Variants in CPQ observed in about 807,000 individuals in gnomAD.
The protein encoded by CPQ is carboxypeptidase Q, also known as Ser-Met dipeptidase.
CPQ carries 37 observed loss-of-function variants against 45.7 expected under a neutral mutation model. The observed-to-expected ratio is 0.81, with a 90% CI of 0.62 to 1.07. CPQ has a LOEUF of 1.07. Among genes scored for constraint, CPQ ranks in the 50% least tolerant of loss-of-function variants. CPQ has a pLI of 0.00. For synonymous variants in CPQ, 186 were observed against 205.8 expected (o/e 0.90, Z 0.82); for missense variants, 537 against 572.9 (o/e 0.94, Z 0.64).
intron 6 of CPQ, among the ~76,000 whole-genome samples, chr8:97,048,273 G>A (rs1810296320): frequency 6.6e-6 from 1 of 152,194 alleles, no homozygotes; most frequent in South Asian, 2.1e-4. Flanking sequence ...AAGATTGGGG[G>A]AGCAATTATA....
intron 1 of CPQ, among the ~76,000 whole-genome samples, chr8:96,675,054 T>C (rs1809058355): frequency 6.6e-6 from 1 of 152,066 alleles, no homozygotes; most frequent in Admixed American, 6.6e-5. Flanking sequence ...TTGTTGAGAA[T>C]TGAGAAGATG....
At chr8:96,997,511 T>C (rs1198187020) in intron 5 of CPQ, among the ~76,000 whole-genome samples, 3 of 152,014 alleles carry the variant, frequency 2.0e-5, no homozygotes, top group Non-Finnish European at 4.4e-5. Flanking sequence ...CCTTTTATAA[T>C]TATGATATTT....
At position 97,069,637 on chromosome 8, in the gene CPQ, G is replaced by A. The variant is rs77527622; in HGVS notation, c.1255+3427G>A. Among the ~76,000 whole-genome samples the A allele has an allele frequency of 5.7e-3, 866 of 152,188 alleles. 6 individuals carry two copies. Among genetic ancestry groups the A allele is most frequent in the Non-Finnish European group, 0.01 (713 of 68,000 alleles). Reference sequence around the variant, plus strand: ...AATTATAGCTTAAAGCTAAGGGTAGGATTCTAAATACTAATTAAGTTATCA... The same window carrying A: ...AATTATAGCTTAAAGCTAAGGGTAGAATTCTAAATACTAATTAAGTTATCA... On this transcript the variant is annotated intron_variant, in intron 7 of 7. Transcript: ENST00000220763.
intron 3 of CPQ, among the ~76,000 whole-genome samples, chr8:96,837,543 T>C (rs1811546245): frequency 6.6e-6 from 1 of 152,146 alleles, no homozygotes; most frequent in African/African-American, 2.4e-5. Flanking sequence ...TCTCTATTCC[T>C]TCCCTATATC....
intron 5 of CPQ, among the ~76,000 whole-genome samples, chr8:97,012,783 G>A (rs1487011822): frequency 6.6e-6 from 1 of 152,104 alleles, no homozygotes; most frequent in African/African-American, 2.4e-5. Flanking sequence ...TATAAGGTCA[G>A]CTAATCCATT....
chr8:96,956,459 G>A (rs1813359083), intron 4 of CPQ, among the ~76,000 whole-genome samples: 1 of 152,066 alleles, frequency 6.6e-6, no homozygotes, highest in East Asian at 1.9e-4. Context: ...TGATTCTTAG[G>A]AAACTAAGAT....
intron 1 of CPQ, among the ~76,000 whole-genome samples, chr8:96,745,457 G>A (rs1810167158): frequency 6.6e-6 from 1 of 152,172 alleles, no homozygotes; most frequent in African/African-American, 2.4e-5. Flanking sequence ...CAGAACTAGA[G>A]CAAATGAGTG....
At chr8:96,673,511 T>G (rs190947988) in intron 1 of CPQ, among the ~76,000 whole-genome samples, 2 of 152,254 alleles carry the variant, frequency 1.3e-5, no homozygotes, top group Non-Finnish European at 2.9e-5. Context: ...CCATTTTTCA[T>G]CTGATACCGG....
At chr8:97,128,219 T>C (rs955845130) in intron 7 of CPQ, among the ~76,000 whole-genome samples, 2 of 152,294 alleles carry the variant, frequency 1.3e-5, no homozygotes, top group Middle Eastern at 3.4e-3. Flanking sequence ...ATTAGGAAAT[T>C]AGCATGGGTT....
At chr8:97,141,808 A>G (rs1201827252) in intron 7 of CPQ, among the ~76,000 whole-genome samples, 1 of 152,220 alleles carries the variant, frequency 6.6e-6, no homozygotes, top group Admixed American at 6.5e-5. Context: ...GCTATACACA[A>G]CAGCATAGAT....
intron 2 of CPQ, among the ~76,000 whole-genome samples, chr8:96,795,868 A>G (rs577287587): frequency 6.6e-6 from 1 of 152,248 alleles, no homozygotes; most frequent in South Asian, 2.1e-4. Context: ...AGTAGAAACA[A>G]TTAGTTTTGA....
At position 96,939,351 on chromosome 8, in the gene CPQ, G is replaced by C. The variant is rs1164492196; in HGVS notation, c.850-26584G>C. On this transcript the variant is annotated intron_variant, in intron 4 of 7. Transcript: ENST00000220763. ...CAGGCAGTAATGCTCACTTCCTGTT[G>C]TGCGGCCATATTCCTAACAGGCCAC... Among the ~76,000 whole-genome samples, 3 of 152,172 alleles carry C rather than the reference G, an allele frequency of 2.0e-5. No homozygotes were observed. In the East Asian group the frequency reaches 5.8e-4, roughly 29 times the overall value.
chr8:96,921,807 C>T (rs185597065), intron 4 of CPQ, among the ~76,000 whole-genome samples: 9 of 152,150 alleles, frequency 5.9e-5, no homozygotes, highest in African/African-American at 1.9e-4. Context: ...AGTAAGCAAC[C>T]TGATATTACT....
chr8:96,903,905 C>T (rs145131551), intron 4 of CPQ, among the ~76,000 whole-genome samples: 49 of 152,308 alleles, frequency 3.2e-4, no homozygotes, highest in African/African-American at 1.1e-3. Context: ...CTGGTGGAGC[C>T]AGCTGCTGGT....
intron 1 of CPQ, among the ~76,000 whole-genome samples, chr8:96,677,159 C>A (rs1809086587): frequency 6.6e-6 from 1 of 151,918 alleles, no homozygotes; most frequent in Non-Finnish European, 1.5e-5. Context: ...CTTTTTCCTA[C>A]GTGACTTCTT....
At chr8:97,037,480 A>T (rs1419142862) in intron 6 of CPQ, among the ~76,000 whole-genome samples, 1 of 152,076 alleles carries the variant, frequency 6.6e-6, no homozygotes, top group African/African-American at 2.4e-5. Context: ...ATCAGAGGTG[A>T]TTGTCTCAAT....
At chr8:96,695,399 A>T (rs1386581431) in intron 1 of CPQ, among the ~76,000 whole-genome samples, 2 of 147,392 alleles carry the variant, frequency 1.4e-5, no homozygotes, top group Admixed American at 1.4e-4. Flanking sequence ...TCATGTCTAA[A>T]ACACCAAAAG....
intron 6 of CPQ, among the ~76,000 whole-genome samples, chr8:97,045,127 T>C (rs2130497063): frequency 6.6e-6 from 1 of 152,360 alleles, no homozygotes; most frequent in Non-Finnish European, 1.5e-5. Context: ...CCTTGAGCTG[T>C]GGTGGGCTCC....
In CPQ at chr8:97,029,451, A is replaced by T; in HGVS notation, c.1010A>T (p.Glu337Val). Reference sequence around the variant, plus strand: ...CGGCTGGTGCTCTGGACTGCAGAAGAACAAGGTGGAGTTGGTGCCTTCCAG... The same window carrying T: ...CGGCTGGTGCTCTGGACTGCAGAAGTACAAGGTGGAGTTGGTGCCTTCCAG... ...TLRLVLWTAE[E>V]QGGVGAFQYY... Residue 337 changes from glutamate (E) to valine (V), a missense_variant, in exon 6 of 8, where the codon GAA (glutamate) becomes GTA (valine). Transcript: ENST00000220763. 1.9e-6 allele frequency: 3 copies of T among 1,610,012 alleles called. No homozygotes were observed. The South Asian group carries it at 3.3e-5, about 18-fold the overall frequency.
Sources: allele counts gnomAD v4.1 joint callset (sites outside exome capture counted in the v4.1 genomes callset), GRCh38; gene constraint gnomAD v4.1.1; transcripts MANE v1.5; gene names NCBI Gene and HGNC (gene_info 2026-07-23, HGNC 2026-07-21).